CTNNA3: variants seen among roughly 807,000 people sequenced by gnomAD.
CTNNA3 encodes catenin alpha 3, also known as catenin alpha-3.
A neutral mutation model predicts 95.7 loss-of-function variants in CTNNA3; 76 were observed. The observed-to-expected ratio is 0.79, with a 90% CI of 0.66 to 0.96. The LOEUF is 0.96. Ranked by LOEUF, CTNNA3 falls within the 40% of genes least tolerant of loss-of-function variation. CTNNA3 has a pLI of 0.00. For missense variants in CTNNA3, 1,191 were observed against 1,089.8 expected, an observed-to-expected ratio of 1.09 and a Z score of -1.31; for synonymous variants, 431 against 374.4, an observed-to-expected ratio of 1.15 and a Z score of -1.74.
intron 7 of CTNNA3, among the ~76,000 whole-genome samples, chr10:66,913,357 A>G (rs1846322668): frequency 6.6e-6 from 1 of 151,960 alleles, no homozygotes; most frequent in African/African-American, 2.4e-5. Flanking sequence ...AAAGGAGGAC[A>G]GCATCTCACT....
At chr10:67,497,377 G>A (rs1226049854) in intron 5 of CTNNA3, among the ~76,000 whole-genome samples, 1 of 152,124 alleles carries the variant, frequency 6.6e-6, no homozygotes, top group Non-Finnish European at 1.5e-5. Flanking sequence ...ATTGTGAACA[G>A]TGCTCCCATA....
intron 14 of CTNNA3, among the ~76,000 whole-genome samples, chr10:66,080,194 C>A (rs574320303): frequency 6.6e-6 from 1 of 152,238 alleles, no homozygotes; most frequent in South Asian, 2.1e-4. Flanking sequence ...TTCCCATAGG[C>A]CACTTTTCTT....
At chr10:66,778,699 G>A (rs71496010) in intron 7 of CTNNA3, among the ~76,000 whole-genome samples, 20,343 of 151,992 alleles carry the variant, frequency 0.13, 1,443 homozygotes, top group East Asian at 0.23. Context: ...ATTCTGGGCC[G>A]AGTGCGGTGG....
intron 9 of CTNNA3, among the ~76,000 whole-genome samples, chr10:66,733,975 G>A (rs1219387433): frequency 6.6e-6 from 1 of 151,440 alleles, no homozygotes; most frequent in Non-Finnish European, 1.5e-5. Context: ...GATATAATTA[G>A]TTTTAATTTT....
intron 7 of CTNNA3, among the ~76,000 whole-genome samples, chr10:66,844,653 A>G (rs1267067699): frequency 6.6e-6 from 1 of 152,214 alleles, no homozygotes; most frequent in Non-Finnish European, 1.5e-5. Context: ...AAGAGTTATG[A>G]AAAAATAGTT....
chr10:67,750,429 A>G, intron 1 of CTNNA3: 1 of 1,487,440 alleles, frequency 6.7e-7, no homozygotes, highest in East Asian at 2.3e-5. Context: ...GCCTATGTCT[A>G]TCAGAATGAA....
At chr10:66,332,027 C>G (rs2132323072) in intron 12 of CTNNA3, among the ~76,000 whole-genome samples, 1 of 152,012 alleles carries the variant, frequency 6.6e-6, no homozygotes, top group East Asian at 1.9e-4. Context: ...GGAGTTCACT[C>G]ATGATTTGGC....
At chr10:66,607,216 C>A (rs79785020) in intron 10 of CTNNA3, among the ~76,000 whole-genome samples, 1 of 151,806 alleles carries the variant, frequency 6.6e-6, no homozygotes, top group Non-Finnish European at 1.5e-5. Flanking sequence ...GACACCCTGC[C>A]AAGACAGAGC....
intron 5 of CTNNA3, among the ~76,000 whole-genome samples, chr10:67,305,376 A>AT (rs1554820835): frequency 6.9e-6 from 1 of 144,354 alleles, no homozygotes; most frequent in East Asian, 2.0e-4. Context: ...AAAAAAAAAA[A>AT]TTAAAAAAAA....
At chr10:67,404,350 A>C (rs1165183451) in intron 5 of CTNNA3, among the ~76,000 whole-genome samples, 1 of 152,102 alleles carries the variant, frequency 6.6e-6, no homozygotes, top group Non-Finnish European at 1.5e-5. Context: ...TAGCCAGTAT[A>C]GAGAGGAATA....
chr10:67,248,755 A>G (rs1308943370), intron 5 of CTNNA3, among the ~76,000 whole-genome samples: 1 of 152,192 alleles, frequency 6.6e-6, no homozygotes, highest in African/African-American at 2.4e-5. Flanking sequence ...ATGCAAAAGA[A>G]AAAAGCTGGA....
chr10:66,060,423 C>G (rs1158218087), intron 15 of CTNNA3, among the ~76,000 whole-genome samples: 1 of 151,986 alleles, frequency 6.6e-6, no homozygotes, highest in Non-Finnish European at 1.5e-5. Context: ...CTCACTAAAA[C>G]TATATATGAG....
At chr10:67,456,815 A>T (rs71496044) in intron 5 of CTNNA3, among the ~76,000 whole-genome samples, 1,688 of 152,272 alleles carry the variant, frequency 0.011, 24 homozygotes, top group Non-Finnish European at 0.015. Flanking sequence ...CTAGTTCAGA[A>T]AACTTTTTAA....
chr10:66,771,725 A>G (rs1176797552), intron 8 of CTNNA3, among the ~76,000 whole-genome samples: 2 of 152,192 alleles, frequency 1.3e-5, no homozygotes, highest in African/African-American at 4.8e-5. Flanking sequence ...AGGAATAAAA[A>G]TTAATAATGT....
At chr10:66,444,105 CAG>C (rs1383350106) in intron 11 of CTNNA3, among the ~76,000 whole-genome samples, 1 of 151,926 alleles carries the variant, frequency 6.6e-6, no homozygotes, top group Non-Finnish European at 1.5e-5. Flanking sequence ...GAAATGAAGT[CAG>C]AAGGGAAGTT....
chr10:66,968,582 C>T (rs1408120538), intron 7 of CTNNA3, among the ~76,000 whole-genome samples: 1 of 151,856 alleles, frequency 6.6e-6, no homozygotes, highest in Non-Finnish European at 1.5e-5. Context: ...AGGTTGTCTC[C>T]TCAGTGCCTA....
chr10:65,957,105 T>A (rs1021130418), intron 17 of CTNNA3, among the ~76,000 whole-genome samples: 2 of 152,140 alleles, frequency 1.3e-5, no homozygotes. Flanking sequence ...AGGACAGTTA[T>A]CTCTTCTTGT....
chr10:66,561,609 A>AC (rs1842555209), intron 10 of CTNNA3, among the ~76,000 whole-genome samples: 1 of 151,966 alleles, frequency 6.6e-6, no homozygotes, highest in Non-Finnish European at 1.5e-5. Flanking sequence ...GTTGGATGAT[A>AC]CTCAGTATCA....
intron 9 of CTNNA3, among the ~76,000 whole-genome samples, chr10:66,656,371 G>T (rs1436388824): frequency 2.6e-5 from 4 of 152,116 alleles, no homozygotes; most frequent in Admixed American, 6.5e-5. Flanking sequence ...AAACTAATAT[G>T]CAGAAGCTGC....
Sources: gnomAD v4.1 joint callset for allele counts (sites outside exome capture counted in the v4.1 genomes callset) on GRCh38, gnomAD v4.1.1 for gene constraint, MANE v1.5 for transcripts, NCBI Gene and HGNC (gene_info 2026-07-23, HGNC 2026-07-21) for gene names.